Variants in RAB28 observed in about 807,000 individuals in gnomAD.
RAB28 encodes the protein ras-related protein Rab-28.
RAB28 carries 24 observed loss-of-function variants against 31.7 expected under a neutral mutation model. The observed-to-expected ratio is 0.76, with a 90% CI of 0.55 to 1.06. RAB28 has a LOEUF of 1.06. Among genes scored for constraint, RAB28 ranks in the 50% least tolerant of loss-of-function variants. The probability of loss-of-function intolerance (pLI) is 0.00; values close to 1 mark genes in which losing one functional copy is unlikely to be tolerated. For synonymous variants in RAB28, 100 were observed against 90.4 expected (o/e 1.11, Z -0.60); for missense variants, 254 against 258.5 (o/e 0.98, Z 0.12).
intron 4 of RAB28, among the ~76,000 whole-genome samples, chr4:13,430,661 T>A (rs1713761234): frequency 6.6e-6 from 1 of 152,154 alleles, no homozygotes; most frequent in South Asian, 2.1e-4. Context: ...GCCACAACCC[T>A]GCCTAGCAAT....
chr4:13,423,448 TC>T (rs1212749799), intron 4 of RAB28, among the ~76,000 whole-genome samples: 1 of 147,958 alleles, frequency 6.8e-6, no homozygotes, highest in East Asian at 2.0e-4. Flanking sequence ...GCACGCCATT[TC>T]ACTCCAACCT....
At chr4:13,441,741 C>G (rs1004978555) in intron 4 of RAB28, among the ~76,000 whole-genome samples, 1 of 152,198 alleles carries the variant, frequency 6.6e-6, no homozygotes, top group African/African-American at 2.4e-5. Context: ...AGAAAACTTA[C>G]AAGTAACATG....
At chr4:13,446,344 C>T (rs1241998323) in intron 4 of RAB28, among the ~76,000 whole-genome samples, 3 of 152,168 alleles carry the variant, frequency 2.0e-5, no homozygotes, top group African/African-American at 7.2e-5. Context: ...CGCTTGGCTC[C>T]CTGGCTTCAG....
At chr4:13,399,455 C>A (rs1711621367) in intron 4 of RAB28, among the ~76,000 whole-genome samples, 1 of 152,198 alleles carries the variant, frequency 6.6e-6, no homozygotes, top group African/African-American at 2.4e-5. Flanking sequence ...GTCTAAGATA[C>A]ATAGCAGAGA....
chr4:13,469,476 A>T (rs1005220542), intron 3 of RAB28, among the ~76,000 whole-genome samples: 3 of 151,996 alleles, frequency 2.0e-5, no homozygotes, highest in Non-Finnish European at 4.4e-5. Context: ...CTCTTCAACA[A>T]TAGTTTCCTT....
intron 6 of RAB28, chr4:13,369,737 A>G (rs772029507): frequency 1.2e-6 from 1 of 858,612 alleles, no homozygotes; most frequent in Non-Finnish European, 1.6e-6. Context: ...ATCAAGACGT[A>G]GACGTGATAT....
At chr4:13,386,269 T>C (rs1384580867) in intron 4 of RAB28, among the ~76,000 whole-genome samples, 1 of 151,998 alleles carries the variant, frequency 6.6e-6, no homozygotes, top group Non-Finnish European at 1.5e-5. Context: ...GGTACCTAAT[T>C]AAACTAAAGA....
intron 3 of RAB28, 51 bp from the exon 4 acceptor site, chr4:13,460,879 A>C (rs750745653): frequency 6.5e-7 from 1 of 1,536,738 alleles, no homozygotes; most frequent in Non-Finnish European, 8.9e-7. Flanking sequence ...TGGTGAAAAA[A>C]TCTTAATGAA....
intron 4 of RAB28, among the ~76,000 whole-genome samples, chr4:13,400,508 T>C (rs1243648577): frequency 1.3e-5 from 2 of 152,284 alleles, no homozygotes; most frequent in African/African-American, 2.4e-5. Context: ...TTTGAGAATT[T>C]TGTAGTTTTA....
chr4:13,371,207 T>C (rs1728700050), intron 6 of RAB28: 3 of 985,262 alleles, frequency 3.0e-6, no homozygotes, highest in African/African-American at 1.7e-5. Context: ...ACAAGCAGCA[T>C]TAACTTTTGG....
At chr4:13,460,587 T>G in intron 4 of RAB28, 112 bp downstream of exon 4, 8 of 1,319,700 alleles carry the variant, frequency 6.1e-6, no homozygotes, top group Non-Finnish European at 7.5e-6. Flanking sequence ...GACACCATCA[T>G]TTTGGGGATT....
intron 4 of RAB28, among the ~76,000 whole-genome samples, chr4:13,428,260 T>C (rs1193046930): frequency 6.6e-6 from 1 of 152,130 alleles, no homozygotes; most frequent in Non-Finnish European, 1.5e-5. Context: ...AAATTGGGCA[T>C]AAGACAATAT....
At chr4:13,443,150 AAAC>A (rs1171342008) in intron 4 of RAB28, among the ~76,000 whole-genome samples, 1 of 152,250 alleles carries the variant, frequency 6.6e-6, no homozygotes, top group African/African-American at 2.4e-5. Context: ...AAAAATCTTA[AAAC>A]AACAACTATG....
chr4:13,460,543 C>T lies in RAB28; in HGVS notation c.391+156G>A, dbSNP rs532011174. ...ATGTCATTCTTAAGGGCTCCACTCT[C>T]ATGACCTAATTACCTCCCAAAACCC... On this transcript the variant is annotated intron_variant, in intron 4 of 6. Transcript: ENST00000330852. 5.8e-4 allele frequency among the ~76,000 whole-genome samples: 88 copies of T among 152,268 alleles called. 1 individual carries two copies. Among genetic ancestry groups the T allele is most frequent in the Middle Eastern group, 3.4e-3 (1 of 294 alleles).
chr4:13,369,308 G>C (rs1728628242), intron 6 of RAB28, among the ~76,000 whole-genome samples: 1 of 152,024 alleles, frequency 6.6e-6, no homozygotes, highest in Non-Finnish European at 1.5e-5. Context: ...TCATATTCAT[G>C]TTTTTAAAAT....
chr4:13,460,565 AC>A, intron 4 of RAB28, 133 bp downstream of exon 4: 2 of 1,135,050 alleles, frequency 1.8e-6, no homozygotes, highest in Non-Finnish European at 2.5e-6. Context: ...ACCTCCCAAA[AC>A]CCCACCTCCA....
chr4:13,442,936 T>G (rs894070594), intron 4 of RAB28, among the ~76,000 whole-genome samples: 1 of 152,214 alleles, frequency 6.6e-6, no homozygotes, highest in Non-Finnish European at 1.5e-5. Context: ...GTCTGTGTCC[T>G]TAACCACTAT....
intron 4 of RAB28, among the ~76,000 whole-genome samples, chr4:13,417,287 C>T (rs943855931): frequency 3.3e-5 from 5 of 152,348 alleles, no homozygotes; most frequent in African/African-American, 1.2e-4. Context: ...CCTGCTGCCT[C>T]TGTAAACCCC....
chr4:13,378,940 T>C (rs573758898), intron 5 of RAB28, among the ~76,000 whole-genome samples: 20 of 152,140 alleles, frequency 1.3e-4, no homozygotes, highest in African/African-American at 3.9e-4. Context: ...GCCTGGTGCA[T>C]TGGCTCACAC....
Sources: allele counts gnomAD v4.1 joint callset (sites outside exome capture counted in the v4.1 genomes callset), GRCh38; gene constraint gnomAD v4.1.1; transcripts MANE v1.5; gene names NCBI Gene and HGNC (gene_info 2026-07-23, HGNC 2026-07-21).